PSAP: variants seen among roughly 807,000 people sequenced by gnomAD.
PSAP encodes the protein precursor of saposins.
PSAP carries 25 observed loss-of-function variants against 66.0 expected under a neutral mutation model. The observed-to-expected ratio is 0.38, with a 90% CI of 0.28 to 0.53. The LOEUF (loss-of-function observed/expected upper bound fraction) is 0.53. Ranked by LOEUF, PSAP falls within the 20% of genes least tolerant of loss-of-function variation. PSAP has a pLI of 0.83. For synonymous variants in PSAP, 273 were observed against 258.9 expected (o/e 1.05, Z -0.52); for missense variants, 649 against 668.8 (o/e 0.97, Z 0.33).
intron 1 of PSAP, among the ~76,000 whole-genome samples, chr10:71,836,494 A>G: frequency 6.6e-6 from 1 of 152,098 alleles, no homozygotes; most frequent in Admixed American, 6.6e-5. Context: ...GGACTCTGAA[A>G]AGGACCCATG....
intron 10 of PSAP, 38 bp downstream of exon 10, chr10:71,819,675 AG>A (rs772863372): frequency 6.2e-7 from 1 of 1,614,036 alleles, no homozygotes; most frequent in Admixed American, 1.7e-5. Context: ...CAGACCCAAG[AG>A]GGGCACCATC....
chr10:71,846,351 A>C (rs1196282222), intron 1 of PSAP, among the ~76,000 whole-genome samples: 1 of 152,086 alleles, frequency 6.6e-6, no homozygotes, highest in Non-Finnish European at 1.5e-5. Context: ...TAAAAAATAA[A>C]GCAATTAGTA....
In PSAP at chr10:71,831,875, C is replaced by T; in HGVS notation, c.220G>A (p.Gly74Ser). ...DICKDVVTAA[G>S]DMLKDNATEE... ...GTGGCATTGTCCTTCAGCATATCAC[C>T]AGCTGCGGTGACAACGTCTTTGCAT... is the stretch of plus-strand genomic sequence containing the variant. Residue 74 changes from glycine (G) to serine (S), a missense_variant, in exon 3 of 14, where the codon GGT (glycine) becomes AGT (serine). Gly to Ser is a moderately conservative substitution (Grantham distance 56). Transcript: ENST00000394936. The T allele has an allele frequency of 6.2e-7, 1 of 1,614,094 alleles. No individual in the cohort carries two copies.
intron 4 of PSAP, 77 bp from the exon 5 acceptor site, chr10:71,829,154 A>G (rs1474109962): frequency 3.8e-6 from 5 of 1,331,710 alleles, no homozygotes; most frequent in Non-Finnish European, 4.3e-6. Flanking sequence ...GTGCCTCTGA[A>G]TTAGTCCCTC....
At chr10:71,821,271 C>T (rs1441511484) in intron 8 of PSAP, among the ~76,000 whole-genome samples, 1 of 152,246 alleles carries the variant, frequency 6.6e-6, no homozygotes. Flanking sequence ...AGGCATCACA[C>T]AGCCCAGGCC....
chr10:71,831,743 C>T (rs1842522618), intron 3 of PSAP, 103 bp downstream of exon 3: 7 of 1,180,116 alleles, frequency 5.9e-6, no homozygotes, highest in Non-Finnish European at 8.9e-6. Flanking sequence ...TTGCCACCCT[C>T]AGGCCTACAC....
intron 11 of PSAP, 46 bp downstream of exon 11, chr10:71,819,419 T>A (rs1842246077): frequency 1.2e-6 from 2 of 1,610,538 alleles, no homozygotes; most frequent in East Asian, 2.2e-5. Flanking sequence ...GCATACTTCA[T>A]CAGGTTCTGC....
chr10:71,847,869 C>G (rs1042900040), intron 1 of PSAP, among the ~76,000 whole-genome samples: 23 of 152,180 alleles, frequency 1.5e-4, no homozygotes, highest in African/African-American at 5.6e-4. Context: ...TATAAATTCA[C>G]ATGTTATTGA....
At chr10:71,829,189 CA>C in intron 4 of PSAP, 112 bp from the exon 5 acceptor site, 2 of 1,044,862 alleles carry the variant, frequency 1.9e-6, no homozygotes, top group Non-Finnish European at 2.9e-6. Flanking sequence ...AAAAGAAACA[CA>C]AACCTGTTGT....
At chr10:71,836,302 G>A (rs956365213) in intron 1 of PSAP, among the ~76,000 whole-genome samples, 10 of 152,266 alleles carry the variant, frequency 6.6e-5, no homozygotes, top group Non-Finnish European at 8.8e-5. Context: ...TAGTTAGCCC[G>A]CAGTGTAGCC....
chr10:71,827,972 C>T, intron 6 of PSAP, 42 bp downstream of exon 6: 2 of 1,613,280 alleles, frequency 1.2e-6, no homozygotes, highest in Non-Finnish European at 1.7e-6. Flanking sequence ...GCCCAACTCC[C>T]AGGCCCAGAA....
At chr10:71,834,627 C>A in intron 1 of PSAP, 122 bp from the exon 2 acceptor site, 4 of 1,294,806 alleles carry the variant, frequency 3.1e-6, no homozygotes, top group Non-Finnish European at 4.3e-6. Context: ...AGCCCCTCAC[C>A]AAGCTGTATG....
chr10:71,850,057 G>GA (rs59342015), intron 1 of PSAP, among the ~76,000 whole-genome samples: 76,461 of 150,950 alleles, frequency 0.51, 19,655 homozygotes, highest in Middle Eastern at 0.57. Flanking sequence ...ATAAGACAAG[G>GA]AAAAAAAAAT....
Position 71,816,613 on chromosome 10 carries a change from C to G in PSAP, c.*828G>C. ...CTATGAGACAAGGGAGGGGTGCAGG[C>G]TGAAGCAGCGCCTCAACAGCCAGGG... On this transcript the variant is annotated 3_prime_UTR_variant, in exon 14 of 14. Coordinates refer to ENST00000394936, the MANE Select transcript of PSAP (RefSeq NM_002778.4). The G allele has an allele frequency of 2.6e-6, 1 of 387,622 alleles. No individual in the cohort carries two copies. Among genetic ancestry groups the G allele is most frequent in the Non-Finnish European group, 5.4e-6 (1 of 185,828 alleles). 24.0% of individuals were successfully genotyped at this position (387,622 alleles called of 1,614,324 possible).
chr10:71,816,471 C>G lies in PSAP; in HGVS notation c.*970G>C. The G allele has an allele frequency of 2.1e-6, 1 of 471,292 alleles. No individual in the cohort carries two copies. The highest frequency in any genetic ancestry group is 1.5e-5 in the South Asian group (1 of 64,572). The allele number at this position is 471,292 out of a possible 1,614,324, so 29.2% of individuals were successfully genotyped here. A position where few individuals can be genotyped will look rare whatever the true frequency, so the allele number is the denominator to read the frequency against. On this transcript the variant is annotated 3_prime_UTR_variant, in exon 14 of 14. Transcript: ENST00000394936. ...TGGGCCACAGACAGCTTCCAACCCC[C>G]ACACCCCAGCATCCAATCCACACCC...
intron 1 of PSAP, among the ~76,000 whole-genome samples, chr10:71,843,303 G>A (rs918473812): frequency 2.0e-5 from 3 of 152,182 alleles, no homozygotes; most frequent in Admixed American, 6.5e-5. Context: ...ACAGAAGAGA[G>A]GGGGAGGAGC....
At chr10:71,847,503 G>A (rs1285515297) in intron 1 of PSAP, among the ~76,000 whole-genome samples, 2 of 151,982 alleles carry the variant, frequency 1.3e-5, no homozygotes, top group African/African-American at 2.4e-5. Flanking sequence ...AGCCGAGATC[G>A]CGCCACTGCA....
intron 2 of PSAP, 100 bp downstream of exon 2, chr10:71,834,272 G>T: frequency 6.3e-7 from 1 of 1,577,416 alleles, no homozygotes; most frequent in Non-Finnish European, 8.6e-7. Context: ...ACAAAACAAG[G>T]CAAGAAAAAG....
intron 1 of PSAP, among the ~76,000 whole-genome samples, chr10:71,835,628 T>C (rs1842606477): frequency 6.6e-6 from 1 of 152,016 alleles, no homozygotes; most frequent in Non-Finnish European, 1.5e-5. Context: ...TCCTTGATTT[T>C]AGAACCAAAA....
Sources: allele counts gnomAD v4.1 joint callset (sites outside exome capture counted in the v4.1 genomes callset), GRCh38; gene constraint gnomAD v4.1.1; transcripts MANE v1.5; gene names NCBI Gene and HGNC (gene_info 2026-07-23, HGNC 2026-07-21).